Variants in CFH observed in about 807,000 individuals in gnomAD.
The protein encoded by CFH is complement factor H.
Under a neutral mutation model 147.3 loss-of-function variants are expected in CFH, and 53 were observed. The observed-to-expected ratio is 0.36, with a 90% confidence interval of 0.29 to 0.45. The LOEUF is 0.45. Among genes scored for constraint, CFH ranks in the 20% least tolerant of loss-of-function variants. The probability of loss-of-function intolerance (pLI) is 1.00; values close to 1 mark genes in which losing one functional copy is unlikely to be tolerated. For synonymous variants in CFH, 536 were observed against 489.4 expected, an observed-to-expected ratio of 1.10 and a Z score of -1.26; for missense variants, 1,380 against 1,498.0, an observed-to-expected ratio of 0.92 and a Z score of 1.30.
intron 1 of CFH, among the ~76,000 whole-genome samples, chr1:196,654,577 G>T (rs1666620612): frequency 7.2e-5 from 11 of 152,086 alleles, no homozygotes; most frequent in Admixed American, 7.2e-4. Context: ...CCAAGGTTTT[G>T]AATATATTAT....
chr1:196,747,196 A>C lies in CFH; in HGVS notation c.3579A>C (p.Thr1193=). The change falls in exon 22 of 22, where the codon ACA becomes ACC. Residue 1193 remains threonine (T), a synonymous_variant. Transcript: ENST00000367429. ...WTAKQKLYSR[T]GESVEFVCKR... ...CCAAACAGAAGCTTTATTCGAGAAC[A>C]GGTGAATCAGTTGAATTTGTGTGTA... is the stretch of plus-strand genomic sequence containing the variant. 1 of 1,613,924 alleles carries C rather than the reference A, an allele frequency of 6.2e-7. No individual in the cohort carries two copies. The highest frequency in any genetic ancestry group is 8.5e-7 in the Non-Finnish European group (1 of 1,179,858).
intron 1 of CFH, among the ~76,000 whole-genome samples, chr1:196,654,260 T>C (rs1213713251): frequency 6.6e-6 from 1 of 152,074 alleles, no homozygotes; most frequent in Non-Finnish European, 1.5e-5. Flanking sequence ...GTGAACTTTC[T>C]TCAAAAAAAA....
At chr1:196,739,140 C>A (rs919211594) in intron 17 of CFH, among the ~76,000 whole-genome samples, 14 of 152,292 alleles carry the variant, frequency 9.2e-5, no homozygotes, top group African/African-American at 3.4e-4. Flanking sequence ...GCAGCAGGGA[C>A]CTGATCCAGG....
At chr1:196,665,951 G>C (rs1304008985) in intron 1 of CFH, among the ~76,000 whole-genome samples, 2 of 152,180 alleles carry the variant, frequency 1.3e-5, no homozygotes, top group Non-Finnish European at 2.9e-5. Context: ...GTTTCAATTT[G>C]AGGTAGTCCA....
chr1:196,670,992 T>C (rs1174357223), intron 1 of CFH, among the ~76,000 whole-genome samples: 1 of 152,160 alleles, frequency 6.6e-6, no homozygotes, highest in African/African-American at 2.4e-5. Context: ...TTGTTGTTTA[T>C]ACACTTTTGT....
chr1:196,692,556 CTTTCTTCT>C (rs754512349), intron 9 of CFH, among the ~76,000 whole-genome samples: 2,012 of 129,190 alleles, frequency 0.016, 44 homozygotes, highest in African/African-American at 0.047. Context: ...CTTTTTCTTT[CTTTCTTCT>C]TTCTTTCTTT....
At chr1:196,679,602 A>G in intron 5 of CFH, 21 bp from the exon 6 acceptor site, 1 of 1,560,026 alleles carries the variant, frequency 6.4e-7, no homozygotes, top group Non-Finnish European at 8.8e-7. Context: ...AACATTTTGG[A>G]ATTTAATCCC....
chr1:196,728,279 A>AT, intron 14 of CFH, 67 bp from the exon 15 acceptor site: 1 of 1,099,024 alleles, frequency 9.1e-7, no homozygotes. Context: ...CTTTATAACT[A>AT]TTTTTATGTA....
Position 196,726,738 on chromosome 1 carries a change from C to CT in CFH, c.2057-16dup, listed in dbSNP as rs35870521. The CT allele has an allele frequency of 6.4e-4, 1,036 of 1,612,352 alleles. 6 individuals carry two copies. The African/African-American group carries it at 0.013, about 20-fold the overall frequency. On this transcript the variant is annotated intron_variant, in intron 13 of 21. Coordinates refer to ENST00000367429, the MANE Select transcript of CFH (RefSeq NM_000186.4). Reference sequence around the variant, plus strand: ...ACATACATCATGTTTTCACAATAAACTTTTTTTGTAAAATTTACATAGTGG... The same window carrying CT: ...ACATACATCATGTTTTCACAATAAACTTTTTTTTGTAAAATTTACATAGTGG...
intron 1 of CFH, among the ~76,000 whole-genome samples, chr1:196,655,501 C>A (rs1026155143): frequency 9.9e-5 from 15 of 152,156 alleles, no homozygotes; most frequent in African/African-American, 3.6e-4. Flanking sequence ...AGTAAGTTCC[C>A]AAATATAAGT....
At chr1:196,724,513 C>T (rs1032341254) in intron 11 of CFH, among the ~76,000 whole-genome samples, 8 of 152,110 alleles carry the variant, frequency 5.3e-5, no homozygotes, top group Non-Finnish European at 1.0e-4. Flanking sequence ...CTGCAGGGAG[C>T]CCAGAAGACT....
At position 196,690,020 on chromosome 1, in the gene CFH, T is replaced by C. The variant is rs758047132; in HGVS notation, c.1160-43T>C. The C allele has an allele frequency of 1.1e-5, 17 of 1,539,798 alleles. No individual in the cohort carries two copies. The South Asian group carries it at 1.9e-4, about 17-fold the overall frequency. ...ATATACTATTTTGAGCAAATTTATG[T>C]TTCTCATTTACTTTATTTATTTATC... On this transcript the variant is annotated intron_variant, in intron 8 of 21. Transcript: ENST00000367429.
At chr1:196,670,689 T>G (rs970886991) in intron 1 of CFH, among the ~76,000 whole-genome samples, 1 of 152,174 alleles carries the variant, frequency 6.6e-6, no homozygotes, top group Non-Finnish European at 1.5e-5. Flanking sequence ...TCTTGAGTAT[T>G]TCTTCATAGC....
intron 1 of CFH, among the ~76,000 whole-genome samples, chr1:196,664,083 G>T (rs1558150675): frequency 6.6e-6 from 1 of 151,942 alleles, no homozygotes; most frequent in Non-Finnish European, 1.5e-5. Context: ...TTGTGACAGG[G>T]TCTCACCCTG....
intron 1 of CFH, among the ~76,000 whole-genome samples, chr1:196,671,039 C>G (rs147645210): frequency 6.6e-6 from 1 of 151,988 alleles, no homozygotes; most frequent in Non-Finnish European, 1.5e-5. Flanking sequence ...TTACATTAAA[C>G]TTCCTCTAAG....
chr1:196,683,960 C>T (rs1667740480), intron 6 of CFH, among the ~76,000 whole-genome samples: 1 of 151,828 alleles, frequency 6.6e-6, no homozygotes, highest in African/African-American at 2.4e-5. Flanking sequence ...TGAATGTTTG[C>T]CACAGCTTTT....
At chr1:196,710,267 CT>C (rs1303288543) in intron 9 of CFH, among the ~76,000 whole-genome samples, 9 of 152,122 alleles carry the variant, frequency 5.9e-5, no homozygotes, top group Admixed American at 5.9e-4. Flanking sequence ...CTCCCAATTC[CT>C]TGTTTGGTGC....
At position 196,652,069 on chromosome 1, in the gene CFH, C is replaced by T. The variant is rs756698602; in HGVS notation, c.-49C>T. ...CAATTCTTGGAAGAGGAGAACTGGA[C>T]GTTGTGAACAGAGTTAGCTGGTAAA... On this transcript the variant is annotated 5_prime_UTR_variant, in exon 1 of 22. The change creates a new upstream start codon in the 5' untranslated region. Coordinates refer to ENST00000367429, the MANE Select transcript of CFH (RefSeq NM_000186.4). The T allele has an allele frequency of 2.4e-6, 3 of 1,275,494 alleles. No individual in the cohort carries two copies. In the East Asian group the frequency reaches 6.9e-5, roughly 30 times the overall value. 79.0% of individuals were successfully genotyped at this position (1,275,494 alleles called of 1,614,324 possible). A position where few individuals can be genotyped will look rare whatever the true frequency, so the allele number is the denominator to read the frequency against.
intron 21 of CFH, 151 bp from the exon 22 acceptor site, chr1:196,746,960 A>G (rs1653030204): frequency 2.2e-6 from 3 of 1,370,358 alleles, no homozygotes; most frequent in Admixed American, 2.0e-5. Flanking sequence ...AAGTTTATTC[A>G]AATCAATATG....
Sources: gnomAD v4.1 joint callset for allele counts (sites outside exome capture counted in the v4.1 genomes callset) on GRCh38, gnomAD v4.1.1 for gene constraint, MANE v1.5 for transcripts, NCBI Gene and HGNC (gene_info 2026-07-23, HGNC 2026-07-21) for gene names.